The following SRP54 variants were observed in gnomAD, a reference collection of about 807,000 sequenced individuals.
SRP54 encodes signal recognition particle subunit SRP54.
Under a neutral mutation model 64.8 loss-of-function variants are expected in SRP54, and 10 were observed. The ratio of observed to expected loss-of-function variants is 0.15; its 90% confidence interval spans 0.10 to 0.26. The LOEUF (loss-of-function observed/expected upper bound fraction) is 0.26. Ranked by LOEUF, SRP54 falls within the 10% of genes least tolerant of loss-of-function variation. The probability of loss-of-function intolerance (pLI) is 1.00; values close to 1 mark genes in which losing one functional copy is unlikely to be tolerated. For missense variants in SRP54, 325 were observed against 613.7 expected (o/e 0.53, Z 4.97); for synonymous variants, 193 against 185.6 (o/e 1.04, Z -0.32).
chr14:35,029,268 TCTTTC>T lies in SRP54; in HGVS notation c.*121_*125del. ...TGTATTTTTCTTGCTTATCATGCAC[TCTTTC>T]CTTTTCTTCTCGCCCGCTTTTCCCC... On this transcript the variant is annotated 3_prime_UTR_variant, in exon 16 of 16. Transcript: ENST00000216774. The T allele has an allele frequency of 3.2e-6, 2 of 630,860 alleles. No homozygotes were observed. Among genetic ancestry groups the T allele is most frequent in the African/African-American group, 1.9e-5 (1 of 52,772 alleles). 39.1% of individuals were successfully genotyped at this position (630,860 alleles called of 1,614,324 possible).
At chr14:34,983,332 G>C (rs571877034) in intron 1 of SRP54, 117 bp downstream of exon 1, 1 of 151,498 alleles carries the variant, frequency 6.6e-6, no homozygotes, top group Admixed American at 6.6e-5. Context: ...ACCGGCCATC[G>C]TTACCGAGAC....
chr14:35,013,616 A>G, intron 9 of SRP54, 122 bp downstream of exon 9: 1 of 1,270,424 alleles, frequency 7.9e-7, no homozygotes, highest in Non-Finnish European at 1.1e-6. Flanking sequence ...TGGTTTATAA[A>G]GAAAGTTTAA....
rs1466169541 is a variant in SRP54 at position 35,007,643 on chromosome 14, A to C, written c.360+256A>C. ...TTTTATTAAAATATATTTATATTAT[A>C]ATAAAATATATTTACATAAAATAGA... On this transcript the variant is annotated intron_variant, in intron 5 of 15. Transcript: ENST00000216774. 4.1e-5 allele frequency among the ~76,000 whole-genome samples: 3 copies of C among 73,852 alleles called. No homozygotes were observed. In the Admixed American group the frequency reaches 4.4e-4, roughly 11 times the overall value. 48.4% of individuals were successfully genotyped at this position (73,852 alleles called of 152,430 possible).
chr14:34,993,696 AATTT>A (rs78867584), intron 1 of SRP54, among the ~76,000 whole-genome samples: 59 of 126,394 alleles, frequency 4.7e-4, no homozygotes, highest in Non-Finnish European at 4.7e-4. Context: ...TTAATTAATT[AATTT>A]ATTTATTTAT....
At chr14:34,986,665 G>A (rs2138956094) in intron 1 of SRP54, among the ~76,000 whole-genome samples, 1 of 152,150 alleles carries the variant, frequency 6.6e-6, no homozygotes, top group Middle Eastern at 3.4e-3. Context: ...GGATCATGAT[G>A]TCAGGAGTTC....
chr14:35,015,328 A>C (rs2044421392), intron 11 of SRP54, among the ~76,000 whole-genome samples: 1 of 152,136 alleles, frequency 6.6e-6, no homozygotes, highest in African/African-American at 2.4e-5. Context: ...CACCCACCTC[A>C]GCCTCCCAAA....
intron 14 of SRP54, among the ~76,000 whole-genome samples, chr14:35,026,186 ATTG>A (rs201948528): frequency 0.023 from 1,512 of 65,856 alleles, 29 homozygotes; most frequent in African/African-American, 0.062. Context: ...TTTTTTATTT[ATTG>A]TTGTTGTTTA....
At chr14:35,024,793 C>T (rs961407656) in intron 14 of SRP54, among the ~76,000 whole-genome samples, 2 of 151,962 alleles carry the variant, frequency 1.3e-5, no homozygotes, top group African/African-American at 4.8e-5. Context: ...CTGGCATGAT[C>T]TCAGCTCACT....
chr14:35,007,974 A>G (rs1449621879), intron 5 of SRP54, among the ~76,000 whole-genome samples: 57 of 152,146 alleles, frequency 3.7e-4, no homozygotes, highest in Non-Finnish European at 4.4e-5. Context: ...TTATTAAAAA[A>G]AGACCATTCC....
At position 35,013,906 on chromosome 14, in the gene SRP54, T is replaced by C; in HGVS notation, c.886+4T>C. 6.3e-7 allele frequency: 1 copy of C among 1,588,004 alleles called. No individual in the cohort carries two copies. On this transcript the variant is annotated splice_donor_region_variant and intron_variant, in intron 10 of 15. Coordinates refer to ENST00000216774, the MANE Select transcript of SRP54 (RefSeq NM_003136.4). ...CCTTTTATTAGCAAACTTCTTGGTA[T>C]GTACAGTGGTGGGGATATAGAAAAA...
At chr14:34,987,284 T>C (rs796218347) in intron 1 of SRP54, among the ~76,000 whole-genome samples, 7 of 127,162 alleles carry the variant, frequency 5.5e-5, no homozygotes, top group Non-Finnish European at 1.2e-4. Flanking sequence ...TGTATATATA[T>C]ATACACACAC....
intron 1 of SRP54, among the ~76,000 whole-genome samples, chr14:34,995,894 C>T (rs2044064704): frequency 6.6e-6 from 1 of 151,708 alleles, no homozygotes; most frequent in African/African-American, 2.4e-5. Flanking sequence ...TAGTGAGACC[C>T]CGTCTCTACA....
chr14:35,026,761 G>A (rs537800216), intron 14 of SRP54, among the ~76,000 whole-genome samples: 2 of 152,192 alleles, frequency 1.3e-5, no homozygotes, highest in South Asian at 2.1e-4. Context: ...TGGCCAAAAT[G>A]GTGAAACCCT....
At position 35,001,175 on chromosome 14, in the gene SRP54, C is replaced by CTTTT. The variant is rs10637082; in HGVS notation, c.255+169_255+172dup. Among the ~76,000 whole-genome samples the CTTTT allele has an allele frequency of 9.5e-3, 1,223 of 129,400 alleles. 44 individuals carry two copies. Among genetic ancestry groups the CTTTT allele is most frequent in the African/African-American group, 0.024 (841 of 35,312 alleles). 84.9% of individuals were successfully genotyped at this position (129,400 alleles called of 152,430 possible). A position where few individuals can be genotyped will look rare whatever the true frequency, so the allele number is the denominator to read the frequency against. ...AGGATTATTGAGTTTTCTTAGGGAC[C>CTTTT]TTTTTTTTTTTTTTTTTGAGAAGGA... is the stretch of plus-strand genomic sequence containing the variant. On this transcript the variant is annotated intron_variant, in intron 4 of 15. Coordinates refer to ENST00000216774, the MANE Select transcript of SRP54 (RefSeq NM_003136.4).
intron 11 of SRP54, among the ~76,000 whole-genome samples, chr14:35,018,308 T>G (rs2044475841): frequency 6.6e-6 from 1 of 152,214 alleles, no homozygotes; most frequent in Admixed American, 6.6e-5. Flanking sequence ...TTCTAAAGTG[T>G]CTTGCTATTC....
chr14:35,013,717 G>A lies in SRP54; in HGVS notation c.786-85G>A, dbSNP rs1320576031. 4.8e-6 allele frequency: 6 copies of A among 1,248,728 alleles called. No homozygotes were observed. In the African/African-American group the frequency reaches 9.1e-5, roughly 19 times the overall value. 77.4% of individuals were successfully genotyped at this position (1,248,728 alleles called of 1,614,324 possible). On this transcript the variant is annotated intron_variant, in intron 9 of 15. Coordinates refer to ENST00000216774, the MANE Select transcript of SRP54 (RefSeq NM_003136.4). ...TTGTACCTTTGTCTAATTAGCTTTG[G>A]AGGCGGATTCACTTCGAATTTCAGA... is the stretch of plus-strand genomic sequence containing the variant.
chr14:34,987,124 G>T lies in SRP54; in HGVS notation c.-34+3909G>T, dbSNP rs1433917729. Among the ~76,000 whole-genome samples, 3 of 150,554 alleles carry T rather than the reference G, an allele frequency of 2.0e-5. No homozygotes were observed. In the South Asian group the frequency reaches 6.3e-4, roughly 32 times the overall value. ...GCACTCCATGTAGTCCCAGCTACAC[G>T]GGAGGCTGAGGCAGGAGAATCGCTT... On this transcript the variant is annotated intron_variant, in intron 1 of 15. Coordinates refer to ENST00000216774, the MANE Select transcript of SRP54 (RefSeq NM_003136.4).
At chr14:35,027,835 A>G (rs2044658095) in intron 14 of SRP54, 1 of 257,798 alleles carries the variant, frequency 3.9e-6, no homozygotes, top group Non-Finnish European at 7.3e-6. Flanking sequence ...GTATTAGCAT[A>G]AATCGTAGCC....
chr14:35,028,078 TTC>T lies in SRP54; in HGVS notation c.1328-9_1328-8del. 1 of 1,597,228 alleles carries T rather than the reference TTC, an allele frequency of 6.3e-7. No homozygotes were observed. The highest frequency in any genetic ancestry group is 8.5e-7 in the Non-Finnish European group (1 of 1,171,312). ...ACGCTGACTCAAAATCTTTTTTTTT[TTC>T]CCCTCAGGTGGCGACATGTCTAAGA... On this transcript the variant is annotated splice_region_variant and splice_polypyrimidine_tract_variant and intron_variant, in intron 14 of 15. Coordinates refer to ENST00000216774, the MANE Select transcript of SRP54 (RefSeq NM_003136.4).
Sources: gnomAD v4.1 joint callset for allele counts (sites outside exome capture counted in the v4.1 genomes callset) on GRCh38, gnomAD v4.1.1 for gene constraint, MANE v1.5 for transcripts, NCBI Gene and HGNC (gene_info 2026-07-23, HGNC 2026-07-21) for gene names.